Variants in PDK1 observed in about 807,000 individuals in gnomAD.
PDK1 encodes the protein pyruvate dehydrogenase kinase 1.
In PDK1, 39 loss-of-function variants were observed where a neutral mutation model predicts 54.2. The observed-to-expected ratio is 0.72, with a 90% CI of 0.56 to 0.94. PDK1 has a LOEUF of 0.94. Ranked by LOEUF, PDK1 falls within the 40% of genes least tolerant of loss-of-function variation. The pLI, the probability that PDK1 is intolerant of heterozygous loss-of-function variation, is 0.00. For synonymous variants in PDK1, 221 were observed against 207.1 expected (o/e 1.07, Z -0.58); for missense variants, 552 against 566.0 (o/e 0.98, Z 0.25).
the PDK1 span, among the ~76,000 whole-genome samples, chr2:172,617,847 T>A: frequency 1.3e-5 from 2 of 152,224 alleles, no homozygotes. Context: ...ATTTTCTATG[T>A]ATATGCAAAC....
the PDK1 span, among the ~76,000 whole-genome samples, chr2:172,694,838 C>T: frequency 2.0e-5 from 3 of 152,114 alleles, no homozygotes; most frequent in African/African-American, 4.8e-5. Flanking sequence ...TTTGGTAGGC[C>T]GGGCATGGTG....
chr2:172,567,271 C>A (rs554105635), intron 6 of PDK1, among the ~76,000 whole-genome samples: 1 of 152,184 alleles, frequency 6.6e-6, no homozygotes, highest in South Asian at 2.1e-4. Context: ...TAAGACTTAC[C>A]CTTTTTCTAC....
At chr2:172,556,076 G>C (rs947694372), upstream of PDK1, 7 of 1,134,632 alleles carry the variant, frequency 6.2e-6, no homozygotes, top group African/African-American at 9.8e-5. Flanking sequence ...TGCCCGCCAC[G>C]TCCCTCACGT....
At chr2:172,565,107 T>C (rs1208067883) in intron 5 of PDK1, 34 bp downstream of exon 5, 1 of 1,237,196 alleles carries the variant, frequency 8.1e-7, no homozygotes, top group Admixed American at 1.8e-5. Flanking sequence ...CAAAAAAAGA[T>C]ACAAAAATCA....
At position 172,608,504 on chromosome 2, in the gene PDK1, A is replaced by G. The variant is rs1309842609; in HGVS notation, c.*12535A>G. Reference sequence around the variant, plus strand: ...TTAAATTTCCATCATGTTAAATTGTACAACTGTTTATCATTCACTCTGCTG... The same window carrying G: ...TTAAATTTCCATCATGTTAAATTGTGCAACTGTTTATCATTCACTCTGCTG... On this transcript the variant is annotated 3_prime_UTR_variant, in exon 11 of 11. Transcript: ENST00000282077. The G allele has an allele frequency of 6.6e-6, 1 of 152,340 alleles. No homozygotes were observed. The highest frequency in any genetic ancestry group is 1.9e-4 in the East Asian group (1 of 5,188). 9.4% of individuals were successfully genotyped at this position (152,340 alleles called of 1,614,324 possible). A position where few individuals can be genotyped will look rare whatever the true frequency, so the allele number is the denominator to read the frequency against.
chr2:172,653,911 TAAAC>T, the PDK1 span, among the ~76,000 whole-genome samples: 2 of 152,096 alleles, frequency 1.3e-5, no homozygotes, highest in East Asian at 3.9e-4. Flanking sequence ...ACAAAGAACT[TAAAC>T]AAATTTACAA....
the PDK1 span, among the ~76,000 whole-genome samples, chr2:172,640,775 G>T: frequency 6.6e-6 from 1 of 152,290 alleles, no homozygotes; most frequent in South Asian, 2.1e-4. Context: ...CCCTCTAAAG[G>T]TTTGCTGAAA....
At chr2:172,720,889 C>T in the PDK1 span, among the ~76,000 whole-genome samples, 1 of 152,140 alleles carries the variant, frequency 6.6e-6, no homozygotes, top group Non-Finnish European at 1.5e-5. Context: ...CTCCCCTCCT[C>T]CAGGCCTGCA....
the PDK1 span, among the ~76,000 whole-genome samples, chr2:172,721,749 C>T: frequency 1.3e-5 from 2 of 152,170 alleles, no homozygotes; most frequent in African/African-American, 4.8e-5. Flanking sequence ...TCACATTTGG[C>T]TGAGTCATAG....
At chr2:172,629,116 G>A in the PDK1 span, among the ~76,000 whole-genome samples, 6 of 152,082 alleles carry the variant, frequency 3.9e-5, no homozygotes, top group African/African-American at 1.4e-4. Context: ...GGGCAACAGA[G>A]CAAGACCCCG....
chr2:172,561,250 C>T (rs1574464046), intron 2 of PDK1, among the ~76,000 whole-genome samples: 1 of 152,158 alleles, frequency 6.6e-6, no homozygotes, highest in Non-Finnish European at 1.5e-5. Flanking sequence ...GTTGTAGGTA[C>T]TCAAATATCT....
chr2:172,560,104 CAA>C (rs919769635), intron 2 of PDK1, among the ~76,000 whole-genome samples: 13 of 152,348 alleles, frequency 8.5e-5, no homozygotes, highest in Admixed American at 4.6e-4. Flanking sequence ...CTGGGCCTCT[CAA>C]AGTGCAGGGA....
chr2:172,682,799 G>A, the PDK1 span, among the ~76,000 whole-genome samples: 2 of 152,212 alleles, frequency 1.3e-5, no homozygotes, highest in Non-Finnish European at 2.9e-5. Flanking sequence ...TAATGGGGAG[G>A]CTGTTGTAAT....
the PDK1 span, among the ~76,000 whole-genome samples, chr2:172,632,237 A>T: frequency 1.3e-5 from 2 of 151,748 alleles, no homozygotes; most frequent in Admixed American, 1.3e-4. Flanking sequence ...ATTGCACTCC[A>T]CTCCAGCCTG....
chr2:172,704,548 A>T, the PDK1 span, among the ~76,000 whole-genome samples: 1 of 152,180 alleles, frequency 6.6e-6, no homozygotes, highest in Non-Finnish European at 1.5e-5. Flanking sequence ...TTAAGGAAGG[A>T]TCAATTTCGA....
At position 172,584,823 on chromosome 2, in the gene PDK1, T is replaced by A. The variant is rs1690121720; in HGVS notation, c.946-1455T>A. On this transcript the variant is annotated intron_variant, in intron 8 of 10. Transcript: ENST00000282077. ...GGCATGCACTACCACATCTGGGTAA[T>A]TTTAAAGTTTTTTTTTTTTTTTTTT... 2.0e-5 allele frequency among the ~76,000 whole-genome samples: 3 copies of A among 148,866 alleles called. No homozygotes were observed. The South Asian group carries it at 6.4e-4, about 32-fold the overall frequency.
At chr2:172,595,741 T>C in intron 10 of PDK1, 88 bp from the exon 11 acceptor site, 1 of 1,039,040 alleles carries the variant, frequency 9.6e-7, no homozygotes, top group Admixed American at 2.1e-5. Flanking sequence ...ATTTAATTTG[T>C]CGTAACCTTT....
In PDK1 at chr2:172,578,404, A is replaced by C. The variant is rs1689694401; in HGVS notation, c.945+7580A>C. On this transcript the variant is annotated intron_variant, in intron 8 of 10. Transcript: ENST00000282077. ...TCCAGAATTTCAACTTAGTTCTCTT[A>C]TATAATATCTATCCTGTTTTTTTCA... Among the ~76,000 whole-genome samples the C allele has an allele frequency of 2.6e-5, 4 of 152,140 alleles. No individual in the cohort carries two copies. The South Asian group carries it at 8.3e-4, about 31-fold the overall frequency.
intron 9 of PDK1, among the ~76,000 whole-genome samples, chr2:172,587,934 T>C (rs1476767551): frequency 2.0e-5 from 3 of 152,202 alleles, no homozygotes; most frequent in Admixed American, 6.5e-5. Context: ...ATCCTTTAGC[T>C]AGACACAGAG....
Sources: gnomAD v4.1 joint callset for allele counts (sites outside exome capture counted in the v4.1 genomes callset) on GRCh38, gnomAD v4.1.1 for gene constraint, MANE v1.5 for transcripts, NCBI Gene and HGNC (gene_info 2026-07-23, HGNC 2026-07-21) for gene names.